KCNMB4: variants seen among roughly 807,000 people sequenced by gnomAD.
KCNMB4 encodes the protein calcium-activated potassium channel subunit beta-4.
A neutral mutation model predicts 20.7 loss-of-function variants in KCNMB4; 3 were observed. The observed-to-expected ratio is 0.14, with a 90% CI of 0.07 to 0.37. KCNMB4 has a LOEUF of 0.37. KCNMB4 is among the 10% of genes least tolerant of loss of function. The pLI, the probability that KCNMB4 is intolerant of heterozygous loss-of-function variation, is 1.00. For synonymous variants in KCNMB4, 110 were observed against 113.4 expected (o/e 0.97, Z 0.19); for missense variants, 168 against 265.9 (o/e 0.63, Z 2.56).
chr12:70,396,234 A>G (rs142593269), intron 1 of KCNMB4, among the ~76,000 whole-genome samples: 267 of 152,350 alleles, frequency 1.8e-3, no homozygotes, highest in Non-Finnish European at 3.3e-3. Flanking sequence ...AGATAGAGAT[A>G]TGGAAAGCAG....
At chr12:70,426,065 C>T (rs539949185) in intron 2 of KCNMB4, among the ~76,000 whole-genome samples, 5 of 151,954 alleles carry the variant, frequency 3.3e-5, no homozygotes, top group East Asian at 3.9e-4. Flanking sequence ...GAGGCTGAGG[C>T]GGGTGGATCA....
At chr12:70,425,150 A>AT (rs1427526940) in intron 2 of KCNMB4, among the ~76,000 whole-genome samples, 3 of 152,172 alleles carry the variant, frequency 2.0e-5, no homozygotes, top group Admixed American at 6.5e-5. Flanking sequence ...AACAAAAAAC[A>AT]TTGAGGCCAG....
chr12:70,404,627 T>G (rs556794964), intron 2 of KCNMB4, among the ~76,000 whole-genome samples: 16 of 152,258 alleles, frequency 1.1e-4, no homozygotes, highest in African/African-American at 3.9e-4. Context: ...ATAGTGGTGG[T>G]GAAAGTAGCA....
intron 1 of KCNMB4, among the ~76,000 whole-genome samples, chr12:70,369,547 C>CTT (rs1183145073): frequency 6.6e-6 from 1 of 152,170 alleles, no homozygotes; most frequent in Admixed American, 6.5e-5. Context: ...CGCCTCCAGG[C>CTT]TTTTCTTCAT....
chr12:70,434,245 T>A lies in KCNMB4; in HGVS notation c.*3592T>A, dbSNP rs1044598474. 2 of 152,080 alleles carry A rather than the reference T, an allele frequency of 1.3e-5. No homozygotes were observed. The highest frequency in any genetic ancestry group is 2.9e-5 in the Non-Finnish European group (2 of 68,036). The allele number at this position is 152,080 out of a possible 1,614,324, so 9.4% of individuals were successfully genotyped here. A position where few individuals can be genotyped will look rare whatever the true frequency, so the allele number is the denominator to read the frequency against. ...TCGACCCTCCTGGGAGCCTGCCCTA[T>A]CTCCCTGGAAAGTCTCAGTATGTGA... is the stretch of plus-strand genomic sequence containing the variant. On this transcript the variant is annotated 3_prime_UTR_variant, in exon 3 of 3. Transcript: ENST00000258111.
At chr12:70,410,519 A>C (rs1868742707) in intron 2 of KCNMB4, among the ~76,000 whole-genome samples, 1 of 152,208 alleles carries the variant, frequency 6.6e-6, no homozygotes, top group Non-Finnish European at 1.5e-5. Flanking sequence ...TCACTGATTA[A>C]TTGTACGACC....
chr12:70,377,115 T>C (rs1239327851), intron 1 of KCNMB4, among the ~76,000 whole-genome samples: 2 of 152,178 alleles, frequency 1.3e-5, no homozygotes, highest in Non-Finnish European at 2.9e-5. Context: ...TTACAGTCTC[T>C]AGCAAAACCC....
At chr12:70,403,578 C>T (rs910500625) in intron 2 of KCNMB4, among the ~76,000 whole-genome samples, 1 of 152,278 alleles carries the variant, frequency 6.6e-6, no homozygotes, top group African/African-American at 2.4e-5. Context: ...AGGCGATCCT[C>T]CCATCTTGAA....
In KCNMB4 at chr12:70,430,710, C is replaced by A; in HGVS notation, c.*57C>A. 1 of 1,471,504 alleles carries A rather than the reference C, an allele frequency of 6.8e-7. No individual in the cohort carries two copies. The highest frequency in any genetic ancestry group is 2.6e-5 in the Admixed American group (1 of 38,084). 91.2% of individuals were successfully genotyped at this position (1,471,504 alleles called of 1,614,324 possible). On this transcript the variant is annotated 3_prime_UTR_variant, in exon 3 of 3. Coordinates refer to ENST00000258111, the MANE Select transcript of KCNMB4 (RefSeq NM_014505.6). ...AGAAGCTGTACTCATCGGCACGCGT[C>A]CACCTGCGGAACCTGTGTTTCCTGG...
At chr12:70,427,991 A>G (rs1869256739) in intron 2 of KCNMB4, among the ~76,000 whole-genome samples, 1 of 152,074 alleles carries the variant, frequency 6.6e-6, no homozygotes, top group African/African-American at 2.4e-5. Flanking sequence ...CTCACCCTGA[A>G]TCCTTTTTCT....
intron 2 of KCNMB4, among the ~76,000 whole-genome samples, chr12:70,415,446 C>G (rs566852024): frequency 6.6e-6 from 1 of 152,312 alleles, no homozygotes; most frequent in East Asian, 1.9e-4. Flanking sequence ...GCATTCTGCT[C>G]TGGTGCTGCT....
At chr12:70,423,213 A>T (rs537941593) in intron 2 of KCNMB4, among the ~76,000 whole-genome samples, 32 of 152,288 alleles carry the variant, frequency 2.1e-4, no homozygotes, top group African/African-American at 7.7e-4. Flanking sequence ...ACTGAATGCA[A>T]ATTTTTCTCT....
intron 2 of KCNMB4, among the ~76,000 whole-genome samples, chr12:70,425,502 C>T (rs537758698): frequency 2.6e-5 from 4 of 152,278 alleles, no homozygotes; most frequent in South Asian, 2.1e-4. Context: ...GATTACATAT[C>T]GTGGTCAGTA....
chr12:70,377,451 A>C (rs1209964602), intron 1 of KCNMB4, among the ~76,000 whole-genome samples: 1 of 152,226 alleles, frequency 6.6e-6, no homozygotes, highest in East Asian at 1.9e-4. Flanking sequence ...TTATTACTGA[A>C]AAATGCTAGT....
intron 2 of KCNMB4, among the ~76,000 whole-genome samples, chr12:70,423,499 A>C (rs787931): frequency 4.0e-4 from 61 of 151,646 alleles, no homozygotes; most frequent in African/African-American, 1.2e-3. Flanking sequence ...AGAAGGTCTC[A>C]GTCTGTCGCC....
rs1240079742 is a variant in KCNMB4, at chr12:70,432,018, G to A, written c.*1365G>A. 1 of 144,858 alleles carries A rather than the reference G, an allele frequency of 6.9e-6. No homozygotes were observed. Among genetic ancestry groups the A allele is most frequent in the Non-Finnish European group, 1.5e-5 (1 of 66,240 alleles). The allele number at this position is 144,858 out of a possible 1,614,324, so 9.0% of individuals were successfully genotyped here. On this transcript the variant is annotated 3_prime_UTR_variant, in exon 3 of 3. Transcript: ENST00000258111. ...CCTGACCTTTAGTCCACATACCAATGTTTTCTTTTTTCTTTTTTTTTTTTT... is the reference window on the plus strand; with the variant it reads ...CCTGACCTTTAGTCCACATACCAATATTTTCTTTTTTCTTTTTTTTTTTTT...
At chr12:70,404,648 T>C (rs1238958013) in intron 2 of KCNMB4, among the ~76,000 whole-genome samples, 1 of 152,232 alleles carries the variant, frequency 6.6e-6, no homozygotes, top group Non-Finnish European at 1.5e-5. Context: ...ACAAGGATTA[T>C]AGCAGTAAGA....
intron 2 of KCNMB4, among the ~76,000 whole-genome samples, chr12:70,415,939 A>C (rs944180565): frequency 2.0e-5 from 3 of 152,218 alleles, no homozygotes; most frequent in Non-Finnish European, 4.4e-5. Context: ...TCCCTGCTAC[A>C]TCATAGTTGT....
intron 1 of KCNMB4, among the ~76,000 whole-genome samples, chr12:70,376,311 C>T (rs574893115): frequency 1.3e-5 from 2 of 152,146 alleles, no homozygotes; most frequent in South Asian, 2.1e-4. Flanking sequence ...ACTCTTACCA[C>T]TCTTGTTCAA....
Sources: allele counts gnomAD v4.1 joint callset (sites outside exome capture counted in the v4.1 genomes callset), GRCh38; gene constraint gnomAD v4.1.1; transcripts MANE v1.5; gene names NCBI Gene and HGNC (gene_info 2026-07-23, HGNC 2026-07-21).